The following SMOC2 variants were observed in gnomAD, a reference collection of about 807,000 sequenced individuals.
SMOC2 encodes the protein SPARC related modular calcium binding 2, also known as SPARC-related modular calcium-binding protein 2.
In SMOC2, 39 loss-of-function variants were observed where a neutral mutation model predicts 61.4. That is an observed-to-expected ratio of 0.64 (90% CI 0.49 to 0.83). The LOEUF (loss-of-function observed/expected upper bound fraction) is 0.83, where lower values mean the gene tolerates loss of function less well. Among genes scored for constraint, SMOC2 ranks in the 40% least tolerant of loss-of-function variants. SMOC2 has a pLI of 0.00. For synonymous variants in SMOC2, 247 were observed against 239.9 expected (o/e 1.03, Z -0.27); for missense variants, 556 against 592.9 (o/e 0.94, Z 0.65).
At position 168,666,515 on chromosome 6, in the gene SMOC2, CAG is replaced by C. The variant is rs1000839234; in HGVS notation, c.*79_*80del. The C allele has an allele frequency of 1.2e-4, 172 of 1,471,220 alleles. No homozygotes were observed. Among genetic ancestry groups the C allele is most frequent in the Middle Eastern group, 5.2e-4 (3 of 5,794 alleles). 91.1% of individuals were successfully genotyped at this position (1,471,220 alleles called of 1,614,324 possible). ...CAAAGAGCAATTAAGAAAACAAAAA[CAG>C]AAACACATAGTATTTGCACTTTGTA... is the stretch of plus-strand genomic sequence containing the variant. On this transcript the variant is annotated 3_prime_UTR_variant, in exon 13 of 13. Coordinates refer to ENST00000356284, the MANE Select transcript of SMOC2 (RefSeq NM_001166412.2).
intron 8 of SMOC2, among the ~76,000 whole-genome samples, chr6:168,600,005 C>T (rs1785497742): frequency 6.6e-6 from 1 of 152,044 alleles, no homozygotes; most frequent in Admixed American, 6.6e-5. Context: ...ACAGTCTGTC[C>T]ATCAGCTGTG....
At chr6:168,623,416 C>T (rs1786296461) in intron 9 of SMOC2, among the ~76,000 whole-genome samples, 1 of 149,496 alleles carries the variant, frequency 6.7e-6, no homozygotes, top group Non-Finnish European at 1.5e-5. Context: ...CTGCAACCTT[C>T]CCGGGTTCAA....
intron 7 of SMOC2, among the ~76,000 whole-genome samples, chr6:168,564,890 AG>A: frequency 6.6e-6 from 1 of 152,216 alleles, no homozygotes; most frequent in Non-Finnish European, 1.5e-5. Flanking sequence ...CTGGACCTGG[AG>A]GGGTAGGACT....
intron 9 of SMOC2, among the ~76,000 whole-genome samples, chr6:168,633,963 A>G (rs1168622710): frequency 6.6e-6 from 1 of 152,196 alleles, no homozygotes; most frequent in Non-Finnish European, 1.5e-5. Context: ...TGGTGGTTTT[A>G]TAAGGGGATA....
At chr6:168,663,335 G>A (rs557162620) in intron 11 of SMOC2, among the ~76,000 whole-genome samples, 27 of 152,240 alleles carry the variant, frequency 1.8e-4, no homozygotes, top group African/African-American at 6.5e-4. Flanking sequence ...GACTCTACTC[G>A]AAGCTTTGAA....
At chr6:168,458,679 C>T (rs934822662) in intron 1 of SMOC2, among the ~76,000 whole-genome samples, 1 of 152,112 alleles carries the variant, frequency 6.6e-6, no homozygotes, top group Non-Finnish European at 1.5e-5. Context: ...CGTCTTCCTG[C>T]TCGAGATGTG....
At chr6:168,644,853 T>A (rs1786983453) in intron 9 of SMOC2, among the ~76,000 whole-genome samples, 1 of 152,010 alleles carries the variant, frequency 6.6e-6, no homozygotes, top group South Asian at 2.1e-4. Context: ...TTTCACTCTG[T>A]TGGCCAGACT....
At chr6:168,526,249 C>A in intron 2 of SMOC2, 97 bp from the exon 3 acceptor site, 1 of 1,122,700 alleles carries the variant, frequency 8.9e-7, no homozygotes, top group Non-Finnish European at 1.3e-6. Context: ...CTCAGCACTC[C>A]TGCCTAACTC....
rs1368195201 is a variant in SMOC2, at chr6:168,599,017, C to T, written c.824+13C>T. 1 of 1,571,242 alleles carries T rather than the reference C, an allele frequency of 6.4e-7. No homozygotes were observed. The highest frequency in any genetic ancestry group is 8.6e-7 in the Non-Finnish European group (1 of 1,157,520). On this transcript the variant is annotated intron_variant, in intron 8 of 12. Transcript: ENST00000356284. ...GCACATCCACAAGGTAAATAGGGTG[C>T]ACCCACCCCCCCCGGGACCATGGGA...
rs117915839 is a variant in SMOC2, at chr6:168,598,704, G to A, written c.638-114G>A. ...CCACGCTGGCAGGCCCTCCTGCTCC[G>A]GGGTGAAGGAGGACCACATCGTTCT... On this transcript the variant is annotated intron_variant, in intron 7 of 12. Coordinates refer to ENST00000356284, the MANE Select transcript of SMOC2 (RefSeq NM_001166412.2). 0.013 allele frequency: 15,577 copies of A among 1,236,898 alleles called. 125 individuals carry two copies. The highest frequency in any genetic ancestry group is 0.016 in the Non-Finnish European group (13,511 of 866,820). 76.6% of individuals were successfully genotyped at this position (1,236,898 alleles called of 1,614,324 possible). A position where few individuals can be genotyped will look rare whatever the true frequency, so the allele number is the denominator to read the frequency against.
chr6:168,656,521 A>G (rs537568306), intron 11 of SMOC2, among the ~76,000 whole-genome samples: 37 of 144,522 alleles, frequency 2.6e-4, no homozygotes, highest in South Asian at 6.9e-4. Flanking sequence ...AAAAAAAAAA[A>G]AAAAAAAAAG....
chr6:168,643,619 T>C (rs1426222328), intron 9 of SMOC2, among the ~76,000 whole-genome samples: 1 of 152,216 alleles, frequency 6.6e-6, no homozygotes, highest in African/African-American at 2.4e-5. Context: ...AGGGGCCTTG[T>C]CTGCTGTTCC....
rs139551637 is a variant in SMOC2 at position 168,595,466 on chromosome 6, C to T, written c.638-3352C>T. Among the ~76,000 whole-genome samples, 601 of 152,334 alleles carry T rather than the reference C, an allele frequency of 3.9e-3. 4 individuals are homozygous for T. Among genetic ancestry groups the T allele is most frequent in the African/African-American group, 0.014 (566 of 41,580 alleles). On this transcript the variant is annotated intron_variant, in intron 7 of 12. Transcript: ENST00000356284. ...CCAGAGAGAACCACCCCCGTCAGCTCTGCCTGCAGAACGCTGCGTTCTGGG... is the reference window on the plus strand; with the variant it reads ...CCAGAGAGAACCACCCCCGTCAGCTTTGCCTGCAGAACGCTGCGTTCTGGG...
chr6:168,639,391 T>C (rs1786833758), intron 9 of SMOC2, among the ~76,000 whole-genome samples: 1 of 152,204 alleles, frequency 6.6e-6, no homozygotes, highest in Non-Finnish European at 1.5e-5. Flanking sequence ...TAAAAAGTTT[T>C]AATTGAAATA....
intron 1 of SMOC2, among the ~76,000 whole-genome samples, chr6:168,488,338 T>C (rs891036133): frequency 4.6e-5 from 7 of 152,238 alleles, no homozygotes; most frequent in African/African-American, 1.4e-4. Flanking sequence ...GTCTGTTTTC[T>C]CTTCTTATGA....
chr6:168,459,031 T>C (rs1218281187), intron 1 of SMOC2, among the ~76,000 whole-genome samples: 4 of 152,180 alleles, frequency 2.6e-5, no homozygotes, highest in Non-Finnish European at 4.4e-5. Flanking sequence ...CAGGGCCTTG[T>C]TCAAAATGGT....
chr6:168,468,164 C>A (rs1340078903), intron 1 of SMOC2, among the ~76,000 whole-genome samples: 1 of 152,140 alleles, frequency 6.6e-6, no homozygotes, highest in Non-Finnish European at 1.5e-5. Context: ...ACAATGAGCA[C>A]CATGAGGAGC....
intron 2 of SMOC2, among the ~76,000 whole-genome samples, chr6:168,516,998 T>G (rs1428677280): frequency 6.6e-6 from 1 of 152,170 alleles, no homozygotes. Flanking sequence ...GACTGTTCTT[T>G]CCGTTGGTGA....
At chr6:168,450,726 T>C (rs1050486181) in intron 1 of SMOC2, among the ~76,000 whole-genome samples, 1 of 152,188 alleles carries the variant, frequency 6.6e-6, no homozygotes, top group African/African-American at 2.4e-5. Context: ...TTCATTGATA[T>C]CCTTTTAAGA....
Sources: allele counts gnomAD v4.1 joint callset (sites outside exome capture counted in the v4.1 genomes callset), GRCh38; gene constraint gnomAD v4.1.1; transcripts MANE v1.5; gene names NCBI Gene and HGNC (gene_info 2026-07-23, HGNC 2026-07-21).